Variants in PBX1 observed in about 807,000 individuals in gnomAD.
PBX1 encodes the protein pre-B-cell leukemia transcription factor 1.
Under a neutral mutation model 53.4 loss-of-function variants are expected in PBX1, and 6 were observed. That is an observed-to-expected ratio of 0.11 (90% CI 0.06 to 0.22). PBX1 has a LOEUF of 0.22. PBX1 is among the 10% of genes least tolerant of loss of function. The probability of loss-of-function intolerance (pLI) is 1.00; values close to 1 mark genes in which losing one functional copy is unlikely to be tolerated. For missense variants in PBX1, 251 were observed against 551.4 expected (o/e 0.46, Z 5.46); for synonymous variants, 204 against 212.3 (o/e 0.96, Z 0.34).
intron 2 of PBX1, among the ~76,000 whole-genome samples, chr1:164,584,575 A>T (rs1471249983): frequency 6.6e-6 from 1 of 152,052 alleles, no homozygotes; most frequent in African/African-American, 2.4e-5. Context: ...GAATGGGGAG[A>T]AGTTCTTGAA....
chr1:164,788,678 A>G (rs991680344), intron 2 of PBX1, among the ~76,000 whole-genome samples: 5 of 151,036 alleles, frequency 3.3e-5, no homozygotes, highest in African/African-American at 1.2e-4. Flanking sequence ...ATCATTTTCT[A>G]TTTTCATAAT....
At chr1:164,687,937 C>G (rs918340648) in intron 2 of PBX1, among the ~76,000 whole-genome samples, 2 of 152,210 alleles carry the variant, frequency 1.3e-5, no homozygotes, top group Non-Finnish European at 2.9e-5. Flanking sequence ...TAACTCTCCC[C>G]AGCTGTGCCC....
intron 2 of PBX1, among the ~76,000 whole-genome samples, chr1:164,565,477 CT>C (rs1653370595): frequency 6.6e-6 from 1 of 151,264 alleles, no homozygotes; most frequent in Non-Finnish European, 1.5e-5. Context: ...GAGGGCACCC[CT>C]GGGTGAAAGT....
chr1:164,595,401 A>G (rs1193372078), intron 2 of PBX1, among the ~76,000 whole-genome samples: 2 of 152,150 alleles, frequency 1.3e-5, no homozygotes, highest in Non-Finnish European at 2.9e-5. Flanking sequence ...GTTGGCTGTG[A>G]AGCAGTTGAG....
chr1:164,766,452 T>C (rs1447391198), intron 2 of PBX1, among the ~76,000 whole-genome samples: 2 of 152,080 alleles, frequency 1.3e-5, no homozygotes, highest in African/African-American at 4.8e-5. Context: ...GGAACACCAA[T>C]CAAGTACCAT....
chr1:164,731,022 A>C (rs974471879), intron 2 of PBX1, among the ~76,000 whole-genome samples: 1 of 152,192 alleles, frequency 6.6e-6, no homozygotes, highest in South Asian at 2.1e-4. Flanking sequence ...AAGGTCAGAA[A>C]AATGGAGGAC....
chr1:164,752,206 T>TTCTGTGTGTG (rs1553240571), intron 2 of PBX1, among the ~76,000 whole-genome samples: 29 of 143,126 alleles, frequency 2.0e-4, no homozygotes, highest in African/African-American at 7.5e-4. Flanking sequence ...CTTTAAGGTT[T>TTCTGTGTGTG]TGTGTGTGTG....
rs1553255671 is a variant in PBX1, at chr1:164,870,218, TTTCCTTCC to T, written n.258-28926_258-28919del. Among the ~76,000 whole-genome samples, 86 of 55,176 alleles carry T rather than the reference TTTCCTTCC, an allele frequency of 1.6e-3. 1 individual carries two copies. The highest frequency in any genetic ancestry group is 4.5e-3 in the African/African-American group (78 of 17,366). 36.2% of individuals were successfully genotyped at this position (55,176 alleles called of 152,430 possible). ...TTTCTTTCTTTCTTTCTTTTCTTTCTTTCCTTCCTTCCTTCCTTCCTTCCTTCCTTCCT... is the reference window on the plus strand; with the variant it reads ...TTTCTTTCTTTCTTTCTTTTCTTTCTTTCCTTCCTTCCTTCCTTCCTTCCT... On this transcript the variant is annotated intron_variant and non_coding_transcript_variant, in intron 2 of 2. Coordinates refer to the PBX1 transcript ENST00000558796.
intron 4 of PBX1, among the ~76,000 whole-genome samples, chr1:164,801,842 A>C (rs1331651949): frequency 1.3e-5 from 2 of 152,240 alleles, no homozygotes; most frequent in East Asian, 3.9e-4. Flanking sequence ...ACATGACCCC[A>C]AATTCCAGCC....
At chr1:164,587,251 ACTT>A (rs1341280182) in intron 2 of PBX1, among the ~76,000 whole-genome samples, 1 of 152,188 alleles carries the variant, frequency 6.6e-6, no homozygotes, top group Non-Finnish European at 1.5e-5. Flanking sequence ...CTTATCCTAA[ACTT>A]AAGTCCATTC....
At chr1:164,726,332 A>T (rs559014034) in intron 2 of PBX1, among the ~76,000 whole-genome samples, 4 of 152,280 alleles carry the variant, frequency 2.6e-5, no homozygotes, top group Admixed American at 2.6e-4. Context: ...CAGGATGAGG[A>T]TGATGATTCC....
chr1:164,644,884 C>T lies in PBX1; in HGVS notation c.265+81573C>T, dbSNP rs188090701. Among the ~76,000 whole-genome samples the T allele has an allele frequency of 2.5e-3, 378 of 152,278 alleles. 1 individual carries two copies. The highest frequency in any genetic ancestry group is 7.7e-3 in the African/African-American group (321 of 41,554). On this transcript the variant is annotated intron_variant, in intron 2 of 8. Transcript: ENST00000420696. ...GGCTCTCCGTCTGGCAGATCTGTCTCTTTCAGCTGCTCCTCCTCCAGTTTC... is the reference window on the plus strand; with the variant it reads ...GGCTCTCCGTCTGGCAGATCTGTCTTTTTCAGCTGCTCCTCCTCCAGTTTC...
chr1:164,815,609 A>G (rs1669842826), intron 6 of PBX1: 1 of 152,268 alleles, frequency 6.6e-6, no homozygotes, highest in Admixed American at 6.5e-5. Context: ...ACTTGCAGTC[A>G]TGGCAGAAGG....
At chr1:164,798,126 TCCCATTCACCA>T (rs1668878505) in intron 3 of PBX1, among the ~76,000 whole-genome samples, 1 of 152,202 alleles carries the variant, frequency 6.6e-6, no homozygotes, top group Non-Finnish European at 1.5e-5. Context: ...AACCCAGGCC[TCCCATTCACCA>T]GTGTAGACAC....
chr1:164,658,345 G>A (rs1365914248), intron 2 of PBX1, among the ~76,000 whole-genome samples: 1 of 152,192 alleles, frequency 6.6e-6, no homozygotes, highest in Non-Finnish European at 1.5e-5. Context: ...GAGCTCAACT[G>A]ATTGAAAACT....
downstream of PBX1, among the ~76,000 whole-genome samples, chr1:164,855,768 C>G (rs907905942): frequency 6.6e-6 from 1 of 152,180 alleles, no homozygotes; most frequent in Non-Finnish European, 1.5e-5. Context: ...AAACAGCCAC[C>G]AACAAGAGGT....
chr1:164,828,731 A>G (rs1298032523), intron 8 of PBX1: 4 of 152,102 alleles, frequency 2.6e-5, no homozygotes, highest in Non-Finnish European at 5.9e-5. Context: ...AGATGTCAGC[A>G]AATATTAAGG....
chr1:164,742,001 G>A (rs1665641653), intron 2 of PBX1, among the ~76,000 whole-genome samples: 1 of 151,892 alleles, frequency 6.6e-6, no homozygotes, highest in African/African-American at 2.4e-5. Context: ...AAAGCTGAGA[G>A]TCGTAGTTTT....
intron 2 of PBX1, among the ~76,000 whole-genome samples, chr1:164,735,964 T>C (rs376143215): frequency 9.2e-5 from 14 of 152,262 alleles, no homozygotes; most frequent in African/African-American, 3.1e-4. Flanking sequence ...AGCAGTTTGT[T>C]TGCTCAGGAG....
Sources: gnomAD v4.1 joint callset for allele counts (sites outside exome capture counted in the v4.1 genomes callset) on GRCh38, gnomAD v4.1.1 for gene constraint, MANE v1.5 for transcripts, NCBI Gene and HGNC (gene_info 2026-07-23, HGNC 2026-07-21) for gene names.